The following ZFYVE9 variants were observed in gnomAD, a reference collection of about 807,000 sequenced individuals.
ZFYVE9 encodes zinc finger FYVE-type containing 9.
Under a neutral mutation model 126.7 loss-of-function variants are expected in ZFYVE9, and 43 were observed. The ratio of observed to expected loss-of-function variants is 0.34; its 90% confidence interval spans 0.27 to 0.44. The LOEUF (loss-of-function observed/expected upper bound fraction) is 0.44. Among genes scored for constraint, ZFYVE9 ranks in the 20% least tolerant of loss-of-function variants. The pLI, the probability that ZFYVE9 is intolerant of heterozygous loss-of-function variation, is 1.00. For synonymous variants in ZFYVE9, 521 were observed against 597.4 expected (o/e 0.87, Z 1.87); for missense variants, 1,476 against 1,697.0 (o/e 0.87, Z 2.29).
rs1421477885 is a variant in ZFYVE9 at position 52,262,310 on chromosome 1, C to G, written c.2179-1463C>G. On this transcript the variant is annotated intron_variant, in intron 4 of 18. Transcript: ENST00000287727. ...TTCAACATAGGAGTTTTGGAACATTCATCTGTTTACCTAACTGCTAATTGT... is the reference window on the plus strand; with the variant it reads ...TTCAACATAGGAGTTTTGGAACATTGATCTGTTTACCTAACTGCTAATTGT... 3.3e-5 allele frequency among the ~76,000 whole-genome samples: 5 copies of G among 152,144 alleles called. No individual in the cohort carries two copies. The East Asian group carries it at 9.6e-4, about 29-fold the overall frequency.
chr1:52,231,595 A>G (rs1297632688), intron 2 of ZFYVE9, among the ~76,000 whole-genome samples: 1 of 152,120 alleles, frequency 6.6e-6, no homozygotes, highest in Non-Finnish European at 1.5e-5. Context: ...CAATCTATAA[A>G]TGTTAACCAA....
At chr1:52,262,863 G>C (rs1645592681) in intron 4 of ZFYVE9, among the ~76,000 whole-genome samples, 1 of 151,994 alleles carries the variant, frequency 6.6e-6, no homozygotes, top group East Asian at 1.9e-4. Context: ...CTTGAGTTCA[G>C]GAGTTTGAGA....
intron 1 of ZFYVE9, among the ~76,000 whole-genome samples, chr1:52,147,615 A>G (rs1433237829): frequency 1.3e-5 from 2 of 152,178 alleles, no homozygotes; most frequent in Non-Finnish European, 2.9e-5. Context: ...ACCACATTTT[A>G]TTCATCAGTT....
chr1:52,252,519 C>A (rs1645459410), intron 4 of ZFYVE9: 1 of 176,942 alleles, frequency 5.7e-6, no homozygotes, highest in African/African-American at 2.4e-5. Context: ...GCCACCACAC[C>A]CAGCTAATTT....
At chr1:52,293,182 T>C (rs1169942842) in intron 10 of ZFYVE9, among the ~76,000 whole-genome samples, 1 of 151,726 alleles carries the variant, frequency 6.6e-6, no homozygotes, top group Non-Finnish European at 1.5e-5. Flanking sequence ...ATGGAGACCA[T>C]CCTGGCTAAC....
At chr1:52,195,180 C>G (rs1644849238) in intron 1 of ZFYVE9, among the ~76,000 whole-genome samples, 1 of 152,008 alleles carries the variant, frequency 6.6e-6, no homozygotes, top group South Asian at 2.1e-4. Context: ...TTCTCTTTCT[C>G]TTTTCTTTGC....
chr1:52,179,196 A>G lies in ZFYVE9; in HGVS notation c.-143+36793A>G, dbSNP rs113830465. On this transcript the variant is annotated intron_variant, in intron 1 of 18. Coordinates refer to ENST00000287727, the MANE Select transcript of ZFYVE9 (RefSeq NM_004799.4). Reference sequence around the variant, plus strand: ...GTTTGGATGATTGAGTGTATCATTCAGGCTTAGATGAGGCGATGGAGTGCA... The same window carrying G: ...GTTTGGATGATTGAGTGTATCATTCGGGCTTAGATGAGGCGATGGAGTGCA... 9.9e-3 allele frequency among the ~76,000 whole-genome samples: 1,506 copies of G among 152,310 alleles called. 36 individuals carry two copies. Among genetic ancestry groups the G allele is most frequent in the African/African-American group, 0.035 (1,456 of 41,562 alleles).
chr1:52,232,881 A>G (rs959120553), intron 2 of ZFYVE9, among the ~76,000 whole-genome samples: 3 of 152,032 alleles, frequency 2.0e-5, no homozygotes, highest in Non-Finnish European at 4.4e-5. Context: ...TAGAAACACA[A>G]TTTTATACCA....
intron 13 of ZFYVE9, among the ~76,000 whole-genome samples, chr1:52,312,425 C>T (rs1054861552): frequency 2.0e-5 from 3 of 152,144 alleles, no homozygotes; most frequent in African/African-American, 7.2e-5. Context: ...GGATGTGGAA[C>T]ATGAACCATA....
chr1:52,159,802 C>CT lies in ZFYVE9; in HGVS notation c.-143+17410dup, dbSNP rs891655597. 6.1e-3 allele frequency among the ~76,000 whole-genome samples: 890 copies of CT among 146,246 alleles called. 3 individuals are homozygous for CT. The highest frequency in any genetic ancestry group is 0.022 in the South Asian group (104 of 4,628). On this transcript the variant is annotated intron_variant, in intron 1 of 18. Transcript: ENST00000287727. ...TGATTTTGATGACATTTTTCTTTTT[C>CT]TTTTTTTTTTTGAGATGGAGTCTCG...
chr1:52,279,425 T>C (rs920086288), intron 9 of ZFYVE9, among the ~76,000 whole-genome samples: 1 of 152,174 alleles, frequency 6.6e-6, no homozygotes, highest in African/African-American at 2.4e-5. Flanking sequence ...TCTCAATTGT[T>C]GGTGCTAGCA....
chr1:52,239,229 T>C lies in ZFYVE9; in HGVS notation c.1812T>C (p.Pro604=). 8 of 1,614,120 alleles carry C rather than the reference T, an allele frequency of 5.0e-6. No homozygotes were observed. The highest frequency in any genetic ancestry group is 6.8e-6 in the Non-Finnish European group (8 of 1,180,010). Residue 604 remains proline, a synonymous_variant, in exon 4 of 19, where the codon CCT becomes CCC. Transcript: ENST00000287727. ...CAGACCATTTACAAAATGACTTTCC[T>C]GCAAACAGTGGAAATAATACTAAAA... ...PLSDHLQNDF[P]ANSGNNTKNK...
chr1:52,204,693 C>G (rs1487368754), intron 1 of ZFYVE9, among the ~76,000 whole-genome samples: 2 of 152,010 alleles, frequency 1.3e-5, no homozygotes, highest in East Asian at 1.9e-4. Flanking sequence ...CGCCACTGCA[C>G]TCCAGCCTGG....
rs368269073 is a variant in ZFYVE9, at chr1:52,192,056, C to T, written c.-142-24313C>T. On this transcript the variant is annotated intron_variant, in intron 1 of 18. Coordinates refer to ENST00000287727, the MANE Select transcript of ZFYVE9 (RefSeq NM_004799.4). ...CTTTTTTTTTTTTCTAGAACAAGCA[C>T]CTGAAACACAGTGAATTTAAGAGGA... 1.3e-4 allele frequency among the ~76,000 whole-genome samples: 19 copies of T among 149,754 alleles called. 1 individual carries two copies. The East Asian group carries it at 1.8e-3, about 14-fold the overall frequency.
chr1:52,156,481 C>T (rs1008596124), intron 1 of ZFYVE9, among the ~76,000 whole-genome samples: 1 of 152,136 alleles, frequency 6.6e-6, no homozygotes, highest in African/African-American at 2.4e-5. Context: ...TGATTTACAC[C>T]CAGGGGACGG....
chr1:52,268,608 A>G lies in ZFYVE9; in HGVS notation c.2601A>G (p.Val867=), dbSNP rs571494895. Residue 867 remains valine, a synonymous_variant, in exon 7 of 19, where the codon GTA becomes GTG. Coordinates refer to ENST00000287727, the MANE Select transcript of ZFYVE9 (RefSeq NM_004799.4). ...TGTCACACGACCCAGTCAAGCCAGTAACTACCAGTCCTCTACCAGCAGAGG... is the reference window on the plus strand; with the variant it reads ...TGTCACACGACCCAGTCAAGCCAGTGACTACCAGTCCTCTACCAGCAGAGG... ...LAVSHDPVKP[V]TTSPLPAETD... 1.2e-6 allele frequency: 2 copies of G among 1,614,172 alleles called. No homozygotes were observed. The highest frequency in any genetic ancestry group is 1.7e-6 in the Non-Finnish European group (2 of 1,180,012).
At chr1:52,223,443 C>T (rs1418311932) in intron 2 of ZFYVE9, among the ~76,000 whole-genome samples, 1 of 152,130 alleles carries the variant, frequency 6.6e-6, no homozygotes, top group Non-Finnish European at 1.5e-5. Flanking sequence ...TTGCTTCTGC[C>T]TTTCCTCATC....
At chr1:52,145,641 A>G (rs1441971403) in intron 1 of ZFYVE9, among the ~76,000 whole-genome samples, 2 of 152,130 alleles carry the variant, frequency 1.3e-5, no homozygotes, top group African/African-American at 2.4e-5. Flanking sequence ...ACCGAAAGCA[A>G]TTAGCTCAGT....
intron 1 of ZFYVE9, among the ~76,000 whole-genome samples, chr1:52,157,915 T>G (rs917175074): frequency 2.6e-5 from 4 of 152,142 alleles, no homozygotes; most frequent in Admixed American, 1.3e-4. Flanking sequence ...CCCCAGTATA[T>G]TCCTGATAGC....
Sources: gnomAD v4.1 joint callset for allele counts (sites outside exome capture counted in the v4.1 genomes callset) on GRCh38, gnomAD v4.1.1 for gene constraint, MANE v1.5 for transcripts, NCBI Gene and HGNC (gene_info 2026-07-23, HGNC 2026-07-21) for gene names.